Variants in SHOX2 observed in about 807,000 individuals in gnomAD.
SHOX2 encodes SHOX homeobox 2.
A neutral mutation model predicts 31.3 loss-of-function variants in SHOX2; 13 were observed. The observed-to-expected ratio is 0.42, with a 90% CI of 0.27 to 0.66. The LOEUF (loss-of-function observed/expected upper bound fraction) is 0.66. SHOX2 is among the 30% of genes least tolerant of loss of function. The pLI is 0.27. For synonymous variants in SHOX2, 244 were observed against 196.2 expected (o/e 1.24, Z -2.04); for missense variants, 473 against 443.0 (o/e 1.07, Z -0.61).
At chr3:158,100,798 A>G (rs1713446378) in intron 2 of SHOX2, among the ~76,000 whole-genome samples, 1 of 152,260 alleles carries the variant, frequency 6.6e-6, no homozygotes, top group Admixed American at 6.5e-5. Flanking sequence ...CTCACTACAA[A>G]GAAGTTTAGA....
chr3:158,102,333 G>A, intron 2 of SHOX2, among the ~76,000 whole-genome samples: 1 of 151,958 alleles, frequency 6.6e-6, no homozygotes, highest in East Asian at 1.9e-4. Flanking sequence ...AACGTTTTCT[G>A]TGGGATTTTT....
chr3:158,101,742 C>T (rs556504422), intron 2 of SHOX2, among the ~76,000 whole-genome samples: 4 of 152,228 alleles, frequency 2.6e-5, no homozygotes, highest in Non-Finnish European at 4.4e-5. Context: ...GGGCCTAAAA[C>T]TGCTCCATGT....
Position 158,098,026 on chromosome 3 carries a change from G to A in SHOX2, c.*1C>T. 1.3e-6 allele frequency: 2 copies of A among 1,586,692 alleles called. No homozygotes were observed. The highest frequency in any genetic ancestry group is 1.7e-6 in the Non-Finnish European group (2 of 1,164,190). On this transcript the variant is annotated 3_prime_UTR_variant, in exon 5 of 5. Transcript: ENST00000483851. ...GCGCGACATTGGTGCTGGCGTTGGCGTCACAGACCCAGGGCTGCGGCGTGC... is the reference window on the plus strand; with the variant it reads ...GCGCGACATTGGTGCTGGCGTTGGCATCACAGACCCAGGGCTGCGGCGTGC...
intron 1 of SHOX2, chr3:158,104,962 G>C: frequency 1.3e-6 from 1 of 755,890 alleles, no homozygotes; most frequent in Non-Finnish European, 2.3e-6. Context: ...TTTGCTCTAA[G>C]AGAACCGAGT....
At position 158,105,779 on chromosome 3, in the gene SHOX2, T is replaced by C. The variant is rs1713870967; in HGVS notation, c.246A>G (p.Gly82=). 2.6e-6 allele frequency: 4 copies of C among 1,512,484 alleles called. No homozygotes were observed. Among genetic ancestry groups the C allele is most frequent in the Non-Finnish European group, 3.5e-6 (4 of 1,131,588 alleles). 93.7% of individuals were successfully genotyped at this position (1,512,484 alleles called of 1,614,324 possible). A position where few individuals can be genotyped will look rare whatever the true frequency, so the allele number is the denominator to read the frequency against. ...GGGGGGVGGG[G]AGGGAGGGRS... ...GCCCTCCTCCAGCTCCTCCGCCTGC[T>C]CCTCCTCCTCCTACACCTCCTCCGC... Residue 82 remains glycine (G), a synonymous_variant, in exon 1 of 5, where the codon GGA becomes GGG. Transcript: ENST00000483851.
At chr3:158,105,631 C>A (rs900060007) in intron 1 of SHOX2, 48 bp downstream of exon 1, 16 of 1,483,374 alleles carry the variant, frequency 1.1e-5, no homozygotes, top group Non-Finnish European at 1.4e-5. Context: ...GAGAGGAGTC[C>A]GGAAGGCGGG....
chr3:158,096,250 G>A lies in SHOX2; in HGVS notation c.*1777C>T, dbSNP rs1046027000. Reference sequence around the variant, plus strand: ...AAGCTCAACCGCATACCAAAGTTCAGTTAGAAGAGCTTTTCCTCTTTCTTG... The same window carrying A: ...AAGCTCAACCGCATACCAAAGTTCAATTAGAAGAGCTTTTCCTCTTTCTTG... On this transcript the variant is annotated 3_prime_UTR_variant, in exon 5 of 5. Transcript: ENST00000483851. The A allele has an allele frequency of 7.9e-5, 12 of 152,198 alleles. No homozygotes were observed. Among genetic ancestry groups the A allele is most frequent in the African/African-American group, 2.9e-4 (12 of 41,414 alleles). The allele number at this position is 152,198 out of a possible 1,614,324, so 9.4% of individuals were successfully genotyped here.
rs180770958 is a variant in SHOX2, at chr3:158,099,505, G to A, written c.702+355C>T. 3.5e-3 allele frequency among the ~76,000 whole-genome samples: 540 copies of A among 152,260 alleles called. 3 individuals are homozygous for A. Among genetic ancestry groups the A allele is most frequent in the Middle Eastern group, 6.8e-3 (2 of 294 alleles). ...AAAATACCTAGAAAAGTATCTAGAG[G>A]GTTGCCTTAGAAATACCTTAGGACT... On this transcript the variant is annotated intron_variant, in intron 4 of 4. Coordinates refer to ENST00000483851, the MANE Select transcript of SHOX2 (RefSeq NM_001163678.2).
Position 158,097,812 on chromosome 3 carries a change from G to C in SHOX2, c.*215C>G. 1 of 643,652 alleles carries C rather than the reference G, an allele frequency of 1.6e-6. No homozygotes were observed. The highest frequency in any genetic ancestry group is 2.0e-5 in the South Asian group (1 of 49,858). The allele number at this position is 643,652 out of a possible 1,614,324, so 39.9% of individuals were successfully genotyped here. On this transcript the variant is annotated 3_prime_UTR_variant, in exon 5 of 5. Coordinates refer to ENST00000483851, the MANE Select transcript of SHOX2 (RefSeq NM_001163678.2). ...GGCCCTCGAGTAGGAAAACGGGCAG[G>C]AGCCACGGAGCCTGCGTGCCTCGTG...
In SHOX2 at chr3:158,097,704, A is replaced by G; in HGVS notation, c.*323T>C. On this transcript the variant is annotated 3_prime_UTR_variant, in exon 5 of 5. Coordinates refer to ENST00000483851, the MANE Select transcript of SHOX2 (RefSeq NM_001163678.2). Reference sequence around the variant, plus strand: ...AGTCCATCGTTGCAGCTTTGCGGTGAGCCAAACTCCGCGGTTCCAGCACTC... The same window carrying G: ...AGTCCATCGTTGCAGCTTTGCGGTGGGCCAAACTCCGCGGTTCCAGCACTC... The G allele has an allele frequency of 3.3e-6, 1 of 306,798 alleles. No individual in the cohort carries two copies. The highest frequency in any genetic ancestry group is 1.0e-4 in the South Asian group (1 of 9,568). The allele number at this position is 306,798 out of a possible 1,614,324, so 19.0% of individuals were successfully genotyped here.
rs1713260628 is a variant in SHOX2, at chr3:158,098,229, T to A, written c.758A>T (p.His253Leu). ...SAVAHAHHHL[H>L]PHLAAHAPYM... ...GGGCGCGTGCGCGGCCAGGTGCGGA[T>A]GCAGGTGGTGGTGCGCGTGCGCCAC... Residue 253 changes from histidine to leucine, a missense_variant, in exon 5 of 5, where the codon CAT becomes CTT. By Grantham distance (99) the His-to-Leu change is moderately conservative. Around this residue, in one of 3 missense-constraint regions of SHOX2, gnomAD observed 182 missense variants for 167.2 expected, o/e 1.09. Transcript: ENST00000483851. The A allele has an allele frequency of 6.2e-7, 1 of 1,613,798 alleles. No homozygotes were observed. Among genetic ancestry groups the A allele is most frequent in the Non-Finnish European group, 8.5e-7 (1 of 1,179,918 alleles).
Position 158,102,770 on chromosome 3 carries a change from G to A in SHOX2, c.463C>T (p.Leu155=). ...TNFTLEQLNE[L]ERLFDETHYP... is the part of the protein sequence containing the mutation. ...TGGGTCTCGTCAAAAAGCCTCTCCA[G>A]CTCATTGAGTTGTTCCAGGGTGAAA... The change falls in exon 2 of 5, where the codon CTG becomes TTG. Residue 155 remains leucine (L), a synonymous_variant. Transcript: ENST00000483851. 1 of 1,614,068 alleles carries A rather than the reference G, an allele frequency of 6.2e-7. No homozygotes were observed. The highest frequency in any genetic ancestry group is 1.1e-5 in the South Asian group (1 of 91,080).
chr3:158,099,647 GGA>G (rs1243209216), intron 4 of SHOX2, among the ~76,000 whole-genome samples: 39 of 152,256 alleles, frequency 2.6e-4, no homozygotes, highest in African/African-American at 7.0e-4. Context: ...GCCCCTTCAG[GGA>G]TTCCCATGAG....
chr3:158,098,138 G>C lies in SHOX2; in HGVS notation c.849C>G (p.Ser283=). The change falls in exon 5 of 5, where the codon TCC becomes TCG. Residue 283 remains serine (S), a synonymous_variant. Transcript: ENST00000483851. The stretch of plus-strand genomic sequence containing the variant: ...CTGCGGCCGCCACTACCGAGGCGGC[G>C]GAAGCCGAATCCGCGGCCAGCGTGG... ...PLATLAADSA[S]AASVVAAAAA... is the part of the protein sequence containing the mutation. 6.2e-7 allele frequency: 1 copy of C among 1,613,420 alleles called. No homozygotes were observed. Among genetic ancestry groups the C allele is most frequent in the South Asian group, 1.1e-5 (1 of 91,024 alleles).
rs1215289977 is a variant in SHOX2 at position 158,096,090 on chromosome 3, C to G, written c.*1937G>C. The G allele has an allele frequency of 6.6e-6, 1 of 152,590 alleles. No individual in the cohort carries two copies. Among genetic ancestry groups the G allele is most frequent in the Non-Finnish European group, 1.5e-5 (1 of 68,028 alleles). The allele number at this position is 152,590 out of a possible 1,614,324, so 9.5% of individuals were successfully genotyped here. ...CTTGGCACTTATTTAAAAGGTTTAA[C>G]AGAATTGGAGGCGACACATTTTGTA... On this transcript the variant is annotated 3_prime_UTR_variant, in exon 5 of 5. Transcript: ENST00000483851.
chr3:158,101,228 A>C (rs1713467355), intron 2 of SHOX2, among the ~76,000 whole-genome samples: 1 of 152,236 alleles, frequency 6.6e-6, no homozygotes, highest in African/African-American at 2.4e-5. Context: ...AAGTAAAAAT[A>C]CTGCTTCAGA....
intron 2 of SHOX2, among the ~76,000 whole-genome samples, chr3:158,101,017 G>A (rs1713456250): frequency 6.6e-6 from 1 of 152,218 alleles, no homozygotes; most frequent in East Asian, 1.9e-4. Flanking sequence ...AGAGCACTCA[G>A]CGAAAGGAGA....
rs1713190029 is a variant in SHOX2 at position 158,097,495 on chromosome 3, T to G, written c.*532A>C. On this transcript the variant is annotated 3_prime_UTR_variant, in exon 5 of 5. Coordinates refer to ENST00000483851, the MANE Select transcript of SHOX2 (RefSeq NM_001163678.2). Reference sequence around the variant, plus strand: ...GAATCGTCTGGGTTGTTTTTCCATATTTTTAAATGTATAAAATACTTTAAT... The same window carrying G: ...GAATCGTCTGGGTTGTTTTTCCATAGTTTTAAATGTATAAAATACTTTAAT... 1 of 152,372 alleles carries G rather than the reference T, an allele frequency of 6.6e-6. No individual in the cohort carries two copies. The highest frequency in any genetic ancestry group is 1.5e-5 in the Non-Finnish European group (1 of 68,132). 9.4% of individuals were successfully genotyped at this position (152,372 alleles called of 1,614,324 possible).
rs1713155870 is a variant in SHOX2, at chr3:158,096,957, G to GCAA, written c.*1069_*1070insTTG. 2 of 57,618 alleles carry GCAA rather than the reference G, an allele frequency of 3.5e-5. No individual in the cohort carries two copies. Among genetic ancestry groups the GCAA allele is most frequent in the African/African-American group, 1.4e-4 (2 of 14,312 alleles). 3.6% of individuals were successfully genotyped at this position (57,618 alleles called of 1,614,324 possible). ...GGCAAATATATGATATATATATATGGATATATATATATCAATTTCCAGATA... is the reference window on the plus strand; with the variant it reads ...GGCAAATATATGATATATATATATGGCAAATATATATATATCAATTTCCAGATA... On this transcript the variant is annotated 3_prime_UTR_variant, in exon 5 of 5. Coordinates refer to ENST00000483851, the MANE Select transcript of SHOX2 (RefSeq NM_001163678.2).
Sources: gnomAD v4.1 joint callset for allele counts (sites outside exome capture counted in the v4.1 genomes callset) on GRCh38, gnomAD v4.1.1 for gene constraint, gnomAD v4.1.1 regional missense constraint, MANE v1.5 for transcripts, NCBI Gene and HGNC (gene_info 2026-07-23, HGNC 2026-07-21) for gene names.